GMDS: variants seen among roughly 807,000 people sequenced by gnomAD.
The protein encoded by GMDS is GDP-mannose 4,6 dehydratase.
Under a neutral mutation model 49.9 loss-of-function variants are expected in GMDS, and 20 were observed. That is an observed-to-expected ratio of 0.40 (90% CI 0.28 to 0.58). The LOEUF (loss-of-function observed/expected upper bound fraction) is 0.58, where lower values mean the gene tolerates loss of function less well. GMDS is among the 20% of genes least tolerant of loss of function. GMDS has a pLI of 0.42. For synonymous variants in GMDS, 177 were observed against 178.6 expected (o/e 0.99, Z 0.07); for missense variants, 362 against 481.4 (o/e 0.75, Z 2.32).
rs958582073 is a variant in GMDS, at chr6:1,995,281, A to G, written c.346-34315T>C. On this transcript the variant is annotated intron_variant, in intron 4 of 10. Transcript: ENST00000380815. The stretch of plus-strand genomic sequence containing the variant: ...GTGACAGAGAGGGAATGGGAAGACC[A>G]GTCTTGCACCACACCTCCAGGTCTA... Among the ~76,000 whole-genome samples the G allele has an allele frequency of 4.6e-5, 7 of 152,182 alleles. No homozygotes were observed. The South Asian group carries it at 1.5e-3, about 32-fold the overall frequency.
chr6:1,924,010 G>C (rs1428839521), intron 7 of GMDS, among the ~76,000 whole-genome samples: 1 of 152,198 alleles, frequency 6.6e-6, no homozygotes, highest in African/African-American at 2.4e-5. Flanking sequence ...ACAAGGGATA[G>C]AGGGGGCTGG....
At chr6:1,861,341 C>G (rs954705726) in intron 7 of GMDS, among the ~76,000 whole-genome samples, 1 of 152,158 alleles carries the variant, frequency 6.6e-6, no homozygotes, top group Admixed American at 6.5e-5. Context: ...GAATGGTTTG[C>G]ATAATGAACA....
chr6:1,961,035 C>T (rs1243015136), intron 4 of GMDS, 69 bp from the exon 5 acceptor site: 1 of 824,626 alleles, frequency 1.2e-6, no homozygotes, highest in Non-Finnish European at 1.8e-6. Context: ...TCAGCAGGAA[C>T]AAAGACTACA....
At chr6:2,037,319 CA>C (rs1309092720) in intron 4 of GMDS, among the ~76,000 whole-genome samples, 1 of 151,982 alleles carries the variant, frequency 6.6e-6, no homozygotes, top group Non-Finnish European at 1.5e-5. Context: ...TAGAATCAGT[CA>C]AAAAACTACA....
chr6:2,145,404 G>A (rs1363371230), intron 1 of GMDS, among the ~76,000 whole-genome samples: 3 of 152,052 alleles, frequency 2.0e-5, no homozygotes, highest in African/African-American at 7.2e-5. Flanking sequence ...CGGGCGTGGT[G>A]GTGGATGCCT....
intron 4 of GMDS, among the ~76,000 whole-genome samples, chr6:2,019,663 T>A (rs529198788): frequency 6.6e-6 from 1 of 152,264 alleles, no homozygotes; most frequent in African/African-American, 2.4e-5. Context: ...TTGGCCAGGC[T>A]GGTCTCGAAC....
At chr6:1,636,788 G>C (rs1763164937) in intron 9 of GMDS, among the ~76,000 whole-genome samples, 1 of 152,236 alleles carries the variant, frequency 6.6e-6, no homozygotes, top group African/African-American at 2.4e-5. Context: ...CGGAAGGTCT[G>C]CCCATGCCTC....
intron 9 of GMDS, among the ~76,000 whole-genome samples, chr6:1,646,218 C>G (rs1194983976): frequency 1.3e-5 from 2 of 152,152 alleles, no homozygotes; most frequent in East Asian, 1.9e-4. Flanking sequence ...TTCCTTGCAC[C>G]TCTTCTGCAT....
chr6:2,055,122 T>C (rs1332639226), intron 4 of GMDS, among the ~76,000 whole-genome samples: 1 of 152,078 alleles, frequency 6.6e-6, no homozygotes, highest in Non-Finnish European at 1.5e-5. Flanking sequence ...AGTAAAGACT[T>C]TCCTGTAAAG....
chr6:1,983,170 A>G (rs1765318517), intron 4 of GMDS, among the ~76,000 whole-genome samples: 1 of 152,234 alleles, frequency 6.6e-6, no homozygotes, highest in Non-Finnish European at 1.5e-5. Context: ...AGAACTTGCT[A>G]GCCGTATGCA....
At chr6:1,960,738 C>A in intron 5 of GMDS, 36 bp downstream of exon 5, 1 of 1,396,602 alleles carries the variant, frequency 7.2e-7, no homozygotes, top group Non-Finnish European at 9.8e-7. Flanking sequence ...ACAGATAACG[C>A]CACACATGTG....
chr6:1,954,167 G>GA (rs1182366846), intron 6 of GMDS, among the ~76,000 whole-genome samples: 1 of 152,306 alleles, frequency 6.6e-6, no homozygotes, highest in African/African-American at 2.4e-5. Flanking sequence ...TTTCAGGTTT[G>GA]AAGAAACAAT....
chr6:1,902,167 T>C (rs1446372689), intron 7 of GMDS, among the ~76,000 whole-genome samples: 1 of 152,230 alleles, frequency 6.6e-6, no homozygotes, highest in East Asian at 1.9e-4. Context: ...AAATCGGCAA[T>C]GGGGCAAGCT....
At chr6:1,723,313 A>ATTTT (rs1192315523) in intron 9 of GMDS, among the ~76,000 whole-genome samples, 5,742 of 71,356 alleles carry the variant, frequency 0.08, 277 homozygotes, top group East Asian at 0.21. Context: ...TTTTTTTTTC[A>ATTTT]AATTTTCTTT....
intron 1 of GMDS, among the ~76,000 whole-genome samples, chr6:2,126,993 T>C (rs569281417): frequency 2.0e-5 from 3 of 152,356 alleles, no homozygotes; most frequent in South Asian, 2.1e-4. Flanking sequence ...TATAGATTCA[T>C]GTGCAGAAGA....
In GMDS at chr6:2,176,033, A is replaced by C. The variant is rs891621070; in HGVS notation, c.103-51302T>G. 27 of 1,526,028 alleles carry C rather than the reference A, an allele frequency of 1.8e-5. No individual in the cohort carries two copies. In the Admixed American group the frequency reaches 3.1e-4, roughly 18 times the overall value. The allele number at this position is 1,526,028 out of a possible 1,614,324, so 94.5% of individuals were successfully genotyped here. A position where few individuals can be genotyped will look rare whatever the true frequency, so the allele number is the denominator to read the frequency against. On this transcript the variant is annotated intron_variant, in intron 1 of 10. Coordinates refer to ENST00000380815, the MANE Select transcript of GMDS (RefSeq NM_001500.4). Reference sequence around the variant, plus strand: ...AAGTGCCTCAGAGCACAGATGCTTTACTGTCAAGAGGCTGAAGACAGCAGA... The same window carrying C: ...AAGTGCCTCAGAGCACAGATGCTTTCCTGTCAAGAGGCTGAAGACAGCAGA...
intron 4 of GMDS, among the ~76,000 whole-genome samples, chr6:2,109,231 TC>T (rs1774410802): frequency 6.6e-6 from 1 of 152,128 alleles, no homozygotes; most frequent in South Asian, 2.1e-4. Context: ...ATATTTCCTT[TC>T]CCCCATGCCC....
chr6:1,799,626 C>A (rs756905676), intron 7 of GMDS, among the ~76,000 whole-genome samples: 4 of 151,812 alleles, frequency 2.6e-5, no homozygotes, highest in Admixed American at 6.6e-5. Context: ...GAAGGCAAAG[C>A]AAGGAAATCA....
At chr6:2,034,482 G>A (rs1023494702) in intron 4 of GMDS, among the ~76,000 whole-genome samples, 1 of 152,292 alleles carries the variant, frequency 6.6e-6, no homozygotes, top group East Asian at 1.9e-4. Flanking sequence ...TCACTGTGAT[G>A]ATAGTTACGC....
Sources: allele counts gnomAD v4.1 joint callset (sites outside exome capture counted in the v4.1 genomes callset), GRCh38; gene constraint gnomAD v4.1.1; transcripts MANE v1.5; gene names NCBI Gene and HGNC (gene_info 2026-07-23, HGNC 2026-07-21).